Variants in LRRC4C observed in about 807,000 individuals in gnomAD.
LRRC4C encodes leucine-rich repeat-containing protein 4C.
In LRRC4C, 5 loss-of-function variants were observed where a neutral mutation model predicts 33.6. That is an observed-to-expected ratio of 0.15 (90% CI 0.08 to 0.31). The LOEUF is 0.31. Among genes scored for constraint, LRRC4C ranks in the 10% least tolerant of loss-of-function variants. The probability of loss-of-function intolerance (pLI) is 1.00; values close to 1 mark genes in which losing one functional copy is unlikely to be tolerated. For missense variants in LRRC4C, 560 were observed against 796.7 expected (o/e 0.70, Z 3.58); for synonymous variants, 329 against 302.0 (o/e 1.09, Z -0.93).
chr11:41,382,223 A>G (rs1953183819), intron 1 of LRRC4C, among the ~76,000 whole-genome samples: 1 of 152,078 alleles, frequency 6.6e-6, no homozygotes, highest in South Asian at 2.1e-4. Flanking sequence ...CAGAGATTAA[A>G]GATTTATTAC....
chr11:41,364,507 C>T (rs1952466158), intron 1 of LRRC4C, among the ~76,000 whole-genome samples: 4 of 152,194 alleles, frequency 2.6e-5, no homozygotes, highest in Admixed American at 2.6e-4. Flanking sequence ...AACTCCTGAC[C>T]TCAGGTGATC....
intron 3 of LRRC4C, among the ~76,000 whole-genome samples, chr11:40,533,642 T>C (rs1399118364): frequency 6.6e-6 from 1 of 152,178 alleles, no homozygotes; most frequent in Non-Finnish European, 1.5e-5. Flanking sequence ...CACACGGTCA[T>C]AAGGCTCACC....
intron 3 of LRRC4C, among the ~76,000 whole-genome samples, chr11:40,358,911 G>C (rs1268073320): frequency 6.6e-6 from 1 of 151,940 alleles, no homozygotes; most frequent in South Asian, 2.1e-4. Context: ...ATGTGAGCTG[G>C]TGCTGGTTTG....
chr11:41,387,428 T>C (rs1359053817), intron 1 of LRRC4C, among the ~76,000 whole-genome samples: 1 of 151,668 alleles, frequency 6.6e-6, no homozygotes, highest in Non-Finnish European at 1.5e-5. Flanking sequence ...TCAACAGATT[T>C]GGTGTTGGCT....
chr11:40,445,355 T>A (rs1038377594), intron 3 of LRRC4C: 1 of 153,060 alleles, frequency 6.5e-6, no homozygotes, highest in Non-Finnish European at 1.5e-5. Context: ...GGTTTCCACT[T>A]GTGAGTTTTC....
intron 3 of LRRC4C, among the ~76,000 whole-genome samples, chr11:40,628,741 T>C (rs1055035246): frequency 5.3e-5 from 8 of 152,192 alleles, no homozygotes; most frequent in Non-Finnish European, 4.4e-5. Context: ...GCAATGTCAA[T>C]GTGCTTCTAT....
At chr11:40,245,212 C>A (rs1336866893) in intron 4 of LRRC4C, among the ~76,000 whole-genome samples, 1 of 152,178 alleles carries the variant, frequency 6.6e-6, no homozygotes, top group Admixed American at 6.6e-5. Context: ...TTAATTCTCA[C>A]CCAAGTCAAA....
chr11:40,480,539 G>A (rs1330326063), intron 3 of LRRC4C, among the ~76,000 whole-genome samples: 2 of 151,892 alleles, frequency 1.3e-5, no homozygotes, highest in South Asian at 2.1e-4. Context: ...TATTACCTGG[G>A]TGATGAAATA....
intron 3 of LRRC4C, among the ~76,000 whole-genome samples, chr11:40,543,360 T>C (rs1012089344): frequency 2.6e-5 from 4 of 152,162 alleles, no homozygotes; most frequent in African/African-American, 9.6e-5. Flanking sequence ...TTCTGTTTCA[T>C]GGAACTCTTC....
intron 1 of LRRC4C, among the ~76,000 whole-genome samples, chr11:41,218,343 C>T (rs1009844770): frequency 1.3e-5 from 2 of 152,060 alleles, no homozygotes; most frequent in Non-Finnish European, 2.9e-5. Context: ...AACTTTCCTG[C>T]TTTTTTACAA....
chr11:40,543,304 T>A (rs1431116085), intron 3 of LRRC4C, among the ~76,000 whole-genome samples: 2 of 152,124 alleles, frequency 1.3e-5, no homozygotes, highest in Non-Finnish European at 2.9e-5. Flanking sequence ...AGGCTAGCAC[T>A]GTAAAGGCCA....
intron 3 of LRRC4C, among the ~76,000 whole-genome samples, chr11:40,530,745 A>ATCAT (rs1197298336): frequency 6.6e-6 from 1 of 152,132 alleles, no homozygotes; most frequent in African/African-American, 2.4e-5. Flanking sequence ...AATAATTACT[A>ATCAT]TCATACAAAG....
At chr11:40,206,442 G>T (rs186083984) in intron 5 of LRRC4C, among the ~76,000 whole-genome samples, 1 of 151,794 alleles carries the variant, frequency 6.6e-6, no homozygotes, top group Non-Finnish European at 1.5e-5. Flanking sequence ...GGGTTTCACC[G>T]TGATGGCCAG....
intron 3 of LRRC4C, among the ~76,000 whole-genome samples, chr11:40,478,434 T>G (rs1953362890): frequency 6.6e-6 from 1 of 152,184 alleles, no homozygotes; most frequent in Non-Finnish European, 1.5e-5. Context: ...TTCCTTAGCT[T>G]CTGTCATGCA....
At chr11:40,364,769 A>T (rs1285075384) in intron 3 of LRRC4C, among the ~76,000 whole-genome samples, 1 of 152,092 alleles carries the variant, frequency 6.6e-6, no homozygotes, top group Admixed American at 6.6e-5. Flanking sequence ...TATATTGCAT[A>T]AAAATGGTAA....
At chr11:40,975,939 G>T (rs1419051390) in intron 1 of LRRC4C, among the ~76,000 whole-genome samples, 1 of 152,142 alleles carries the variant, frequency 6.6e-6, no homozygotes, top group Non-Finnish European at 1.5e-5. Flanking sequence ...CTTTGTAGAG[G>T]TGTCTCATCA....
At chr11:40,238,972 T>C (rs550127428) in intron 5 of LRRC4C, among the ~76,000 whole-genome samples, 1 of 152,206 alleles carries the variant, frequency 6.6e-6, no homozygotes, top group East Asian at 1.9e-4. Flanking sequence ...AGACCTAGGG[T>C]ATAAGCTGAA....
chr11:41,207,106 A>G (rs1017060806), intron 1 of LRRC4C, among the ~76,000 whole-genome samples: 3 of 152,150 alleles, frequency 2.0e-5, no homozygotes, highest in Admixed American at 2.0e-4. Context: ...TTCTTCCCAA[A>G]AGGATCCACA....
chr11:40,695,500 T>G (rs1945454432), intron 2 of LRRC4C, among the ~76,000 whole-genome samples: 1 of 152,178 alleles, frequency 6.6e-6, no homozygotes, highest in Non-Finnish European at 1.5e-5. Context: ...TTTCTATTGC[T>G]AATGTAACAA....
Sources: allele counts gnomAD v4.1 joint callset (sites outside exome capture counted in the v4.1 genomes callset), GRCh38; gene constraint gnomAD v4.1.1; transcripts MANE v1.5; gene names NCBI Gene and HGNC (gene_info 2026-07-23, HGNC 2026-07-21).